RABL2B: variants seen among roughly 807,000 people sequenced by gnomAD.
The protein encoded by RABL2B is rab-like protein 2B.
A neutral mutation model predicts 26.7 loss-of-function variants in RABL2B; 17 were observed. The observed-to-expected ratio is 0.64, with a 90% CI of 0.44 to 0.95. The LOEUF (loss-of-function observed/expected upper bound fraction) is 0.95, where lower values mean the gene tolerates loss of function less well. Ranked by LOEUF, RABL2B falls within the 40% of genes least tolerant of loss-of-function variation. RABL2B has a pLI of 0.00. For synonymous variants in RABL2B, 70 were observed against 103.9 expected, an observed-to-expected ratio of 0.67 and a Z score of 1.99; for missense variants, 170 against 277.2, an observed-to-expected ratio of 0.61 and a Z score of 2.75.
chr22:50,777,775 T>C (rs1207612223), intron 3 of RABL2B, 177 bp downstream of exon 3: 8 of 848,186 alleles, frequency 9.4e-6, no homozygotes, highest in South Asian at 7.1e-5. Context: ...ACAGCACTGA[T>C]TGTGCAATGC....
rs782010186 is a variant in RABL2B, at chr22:50,775,867, A to C, written c.218-16T>G. On this transcript the variant is annotated splice_polypyrimidine_tract_variant and intron_variant, in intron 4 of 8. Transcript: ENST00000691320. The stretch of plus-strand genomic sequence containing the variant: ...TCCCAAAAGTCTGCAATGTGAACAC[A>C]GACAGACCTACATGCCTGGTGCACT... 1.9e-6 allele frequency: 3 copies of C among 1,614,104 alleles called. No homozygotes were observed. The highest frequency in any genetic ancestry group is 2.2e-5 in the South Asian group (2 of 91,090).
At chr22:50,778,555 G>A (rs1432960701) in intron 2 of RABL2B, among the ~76,000 whole-genome samples, 1 of 152,118 alleles carries the variant, frequency 6.6e-6, no homozygotes, top group Non-Finnish European at 1.5e-5. Flanking sequence ...CAGTTATCCC[G>A]TGAAAAAATT....
At chr22:50,779,345 G>A (rs1405977515) in intron 2 of RABL2B, among the ~76,000 whole-genome samples, 4 of 148,148 alleles carry the variant, frequency 2.7e-5, no homozygotes, top group Non-Finnish European at 6.0e-5. Context: ...CTCTGTCACT[G>A]TCACATACGC....
At chr22:50,779,364 CCT>C (rs57869589) in intron 2 of RABL2B, among the ~76,000 whole-genome samples, 1,672 of 148,904 alleles carry the variant, frequency 0.011, 24 homozygotes, top group African/African-American at 0.04. Flanking sequence ...GCAGATGTTC[CCT>C]GTCTTCTTTT....
chr22:50,774,254 C>T (rs1248763722), intron 5 of RABL2B, among the ~76,000 whole-genome samples: 3 of 152,032 alleles, frequency 2.0e-5, no homozygotes, highest in African/African-American at 7.3e-5. Flanking sequence ...CCCATGTGTT[C>T]TTTTAACCAT....
chr22:50,775,837 C>T lies in RABL2B; in HGVS notation c.232G>A (p.Ala78Thr), dbSNP rs1555923329. ...ATGCTCTGGAACCGCTCCTGGCCTG[C>T]CGTGTCCCAAAAGTCTGCAATGTGA... Reference protein sequence around the residue: ...RTILVDFWDTAGQERFQSMHA... With the variant: ...RTILVDFWDTTGQERFQSMHA... Residue 78 changes from alanine to threonine, a missense_variant, in exon 5 of 9, where the codon GCA becomes ACA. Around this residue, in one of 2 missense-constraint regions of RABL2B, gnomAD observed 165 missense variants for 232.0 expected, o/e 0.71. Coordinates refer to ENST00000691320, the MANE Select transcript of RABL2B (RefSeq NM_001130919.3). 1.2e-6 allele frequency: 2 copies of T among 1,614,216 alleles called. No individual in the cohort carries two copies. Among genetic ancestry groups the T allele is most frequent in the South Asian group, 1.1e-5 (1 of 91,086 alleles).
chr22:50,782,096 C>A lies in RABL2B; in HGVS notation c.107+92G>T, dbSNP rs2085979845. On this transcript the variant is annotated intron_variant, in intron 2 of 8. Coordinates refer to ENST00000691320, the MANE Select transcript of RABL2B (RefSeq NM_001130919.3). ...GCCAAGACTGCTCCTTCACCAGCCC[C>A]AAGAAGCCATGCTCCTCTGCCTCTG... 1.4e-5 allele frequency: 11 copies of A among 762,330 alleles called. No individual in the cohort carries two copies. The South Asian group carries it at 1.8e-4, about 13-fold the overall frequency. 47.2% of individuals were successfully genotyped at this position (762,330 alleles called of 1,614,324 possible).
intron 2 of RABL2B, among the ~76,000 whole-genome samples, chr22:50,779,549 G>T (rs1409164780): frequency 5.3e-5 from 8 of 151,940 alleles, no homozygotes; most frequent in Non-Finnish European, 1.0e-4. Context: ...GGTGGGGGGG[G>T]TGTGCCTTTG....
At chr22:50,771,005 G>T (rs2146996775) in intron 5 of RABL2B, among the ~76,000 whole-genome samples, 1 of 150,502 alleles carries the variant, frequency 6.6e-6, no homozygotes, top group Admixed American at 6.6e-5. Context: ...GCCTCTAAAG[G>T]TGCTGGGGTT....
intron 2 of RABL2B, among the ~76,000 whole-genome samples, chr22:50,781,582 A>G (rs1285254193): frequency 6.6e-6 from 1 of 152,152 alleles, no homozygotes; most frequent in African/African-American, 2.4e-5. Flanking sequence ...TTCTCTGGGC[A>G]GGGGCAAGTG....
chr22:50,772,649 C>A (rs538325649), intron 5 of RABL2B: 2 of 1,026,602 alleles, frequency 1.9e-6, no homozygotes, highest in African/African-American at 3.4e-5. Context: ...ACTGTCACAT[C>A]TCAAGAGGTG....
At chr22:50,773,080 C>G in intron 5 of RABL2B, 4 of 1,260,182 alleles carry the variant, frequency 3.2e-6, no homozygotes, top group South Asian at 1.3e-5. Context: ...GGGGAGCCCA[C>G]GGAGATGCAG....
At chr22:50,780,376 T>C (rs1555927686) in intron 2 of RABL2B, among the ~76,000 whole-genome samples, 1 of 151,472 alleles carries the variant, frequency 6.6e-6, no homozygotes, top group African/African-American at 2.4e-5. Context: ...GCCCTTCAGA[T>C]ATGATGAACA....
At chr22:50,772,728 C>G (rs1245760343) in intron 5 of RABL2B, 2 of 1,053,022 alleles carry the variant, frequency 1.9e-6, no homozygotes, top group East Asian at 1.4e-4. Context: ...CTTGAATTCC[C>G]GATGAAGACT....
chr22:50,777,311 GTGTGCAGGAGCACT>G (rs2085144190), intron 3 of RABL2B, among the ~76,000 whole-genome samples: 1 of 151,910 alleles, frequency 6.6e-6, no homozygotes, highest in South Asian at 2.1e-4. Flanking sequence ...GGTGGGCTGG[GTGTGCAGGAGCACT>G]TGGTACAAGG....
chr22:50,779,689 G>C (rs2085501940), intron 2 of RABL2B, among the ~76,000 whole-genome samples: 1 of 152,154 alleles, frequency 6.6e-6, no homozygotes, highest in African/African-American at 2.4e-5. Context: ...GAATCAGAAA[G>C]CCACGTCTTG....
intron 2 of RABL2B, 143 bp downstream of exon 2, chr22:50,782,045 G>A (rs1205041844): frequency 2.0e-5 from 30 of 1,531,586 alleles, no homozygotes; most frequent in South Asian, 3.6e-5. Context: ...GATTCCCCTC[G>A]TTCCCCCATG....
intron 5 of RABL2B, among the ~76,000 whole-genome samples, chr22:50,773,592 G>A (rs1469465920): frequency 3.3e-5 from 5 of 151,530 alleles, no homozygotes; most frequent in African/African-American, 4.9e-5. Flanking sequence ...GAGGCTGCAC[G>A]GAGGTGGTGG....
At chr22:50,776,631 T>C (rs777419602) in intron 4 of RABL2B, 39 bp downstream of exon 4, 25 of 1,575,006 alleles carry the variant, frequency 1.6e-5, no homozygotes, top group Non-Finnish European at 2.1e-5. Flanking sequence ...CATTTCCTCT[T>C]TCCTGAGGGT....
Sources: gnomAD v4.1 joint callset for allele counts (sites outside exome capture counted in the v4.1 genomes callset) on GRCh38, gnomAD v4.1.1 for gene constraint, gnomAD v4.1.1 regional missense constraint, MANE v1.5 for transcripts, NCBI Gene and HGNC (gene_info 2026-07-23, HGNC 2026-07-21) for gene names.